Variants in LRP1B observed in about 807,000 individuals in gnomAD.
LRP1B encodes the protein low-density lipoprotein receptor-related protein 1B.
Under a neutral mutation model 556.6 loss-of-function variants are expected in LRP1B, and 217 were observed. The observed-to-expected ratio is 0.39, with a 90% CI of 0.35 to 0.44. The LOEUF is 0.44. LRP1B is among the 20% of genes least tolerant of loss of function. LRP1B has a pLI of 1.00. For synonymous variants in LRP1B, 2,047 were observed against 1,865.8 expected, an observed-to-expected ratio of 1.10 and a Z score of -2.50; for missense variants, 5,053 against 5,620.8, an observed-to-expected ratio of 0.90 and a Z score of 3.23.
intron 53 of LRP1B, 33 bp downstream of exon 53, chr2:140,506,758 CCTAGG>C: frequency 6.3e-7 from 1 of 1,591,392 alleles, no homozygotes; most frequent in East Asian, 2.3e-5. Flanking sequence ...AGACTCTTAG[CCTAGG>C]AATCTCCTTC....
intron 41 of LRP1B, among the ~76,000 whole-genome samples, chr2:140,698,147 A>G (rs1389706946): frequency 6.6e-6 from 1 of 151,924 alleles, no homozygotes; most frequent in Non-Finnish European, 1.5e-5. Context: ...AATTCATGCC[A>G]TACTACCTGC....
At chr2:141,607,262 G>A (rs1687948968) in intron 2 of LRP1B, among the ~76,000 whole-genome samples, 1 of 152,000 alleles carries the variant, frequency 6.6e-6, no homozygotes, top group African/African-American at 2.4e-5. Flanking sequence ...AAAACATGTT[G>A]CAAATTACTC....
chr2:141,534,513 A>T (rs1684998805), intron 2 of LRP1B, among the ~76,000 whole-genome samples: 1 of 152,128 alleles, frequency 6.6e-6, no homozygotes, highest in Non-Finnish European at 1.5e-5. Context: ...TCGTGAGTGT[A>T]TTAATTCCAA....
In LRP1B at chr2:141,278,676, C is replaced by A. The variant is rs971498301; in HGVS notation, c.344-24035G>T. 2.0e-5 allele frequency among the ~76,000 whole-genome samples: 3 copies of A among 152,142 alleles called. No individual in the cohort carries two copies. In the South Asian group the frequency reaches 6.2e-4, roughly 32 times the overall value. On this transcript the variant is annotated intron_variant, in intron 3 of 90. Coordinates refer to ENST00000389484, the MANE Select transcript of LRP1B (RefSeq NM_018557.3). ...CTTTGCATAGAAGGAGCAAAGGGAC[C>A]CATGAGGCCTGCTTTGTTGAAGCTT...
intron 15 of LRP1B, among the ~76,000 whole-genome samples, chr2:140,995,885 G>T (rs1226461262): frequency 6.6e-6 from 1 of 151,992 alleles, no homozygotes; most frequent in Non-Finnish European, 1.5e-5. Flanking sequence ...GTATCTAAGT[G>T]AATTAAATAG....
At chr2:141,310,595 C>T (rs1686776498) in intron 3 of LRP1B, among the ~76,000 whole-genome samples, 1 of 152,078 alleles carries the variant, frequency 6.6e-6, no homozygotes, top group Non-Finnish European at 1.5e-5. Context: ...CACTTTCTCT[C>T]TTTTCTCTCT....
At chr2:141,930,709 T>A (rs1464033914) in intron 1 of LRP1B, among the ~76,000 whole-genome samples, 4 of 152,056 alleles carry the variant, frequency 2.6e-5, no homozygotes, top group Non-Finnish European at 5.9e-5. Context: ...AGGTATTTGA[T>A]TCTTCTTATC....
intron 66 of LRP1B, among the ~76,000 whole-genome samples, chr2:140,401,493 C>T (rs571222702): frequency 6.6e-6 from 1 of 152,264 alleles, no homozygotes; most frequent in African/African-American, 2.4e-5. Flanking sequence ...GCCCCCAACC[C>T]CCAAAAGGGC....
rs552538826 is a variant in LRP1B, at chr2:141,621,649, T to C, written c.206-141116A>G. 3.8e-3 allele frequency among the ~76,000 whole-genome samples: 576 copies of C among 152,208 alleles called. 3 individuals carry two copies. Among genetic ancestry groups the C allele is most frequent in the African/African-American group, 0.013 (541 of 41,532 alleles). ...TCATCAAAACCTTAATACATTTAAA[T>C]ATTTAGATTTAGTCAGAAATTTATG... On this transcript the variant is annotated intron_variant, in intron 2 of 90. Transcript: ENST00000389484.
intron 7 of LRP1B, among the ~76,000 whole-genome samples, chr2:141,085,507 G>A (rs1396405825): frequency 6.6e-6 from 1 of 152,144 alleles, no homozygotes; most frequent in Non-Finnish European, 1.5e-5. Flanking sequence ...ACACACCGAG[G>A]AAAGACCACG....
chr2:140,456,405 C>G (rs2105321526), intron 62 of LRP1B, 50 bp downstream of exon 62: 1 of 1,542,440 alleles, frequency 6.5e-7, no homozygotes, highest in Non-Finnish European at 8.8e-7. Flanking sequence ...AACAAAAGAG[C>G]TGATGTTTCA....
intron 2 of LRP1B, among the ~76,000 whole-genome samples, chr2:141,585,367 C>T (rs1351952722): frequency 1.3e-5 from 2 of 151,472 alleles, no homozygotes; most frequent in African/African-American, 2.4e-5. Context: ...ATGCAAAATA[C>T]TCATGTTAGT....
chr2:141,829,239 G>T lies in LRP1B; in HGVS notation c.83-18838C>A, dbSNP rs1026542036. ...AAATGTACTTTTATAATTGTTCCTG[G>T]ATACTTGTAAGGCCTAGCTGCAAAA... On this transcript the variant is annotated intron_variant, in intron 1 of 90. Coordinates refer to ENST00000389484, the MANE Select transcript of LRP1B (RefSeq NM_018557.3). 2.5e-4 allele frequency among the ~76,000 whole-genome samples: 38 copies of T among 152,012 alleles called. 1 individual carries two copies. In the South Asian group the frequency reaches 7.9e-3, roughly 32 times the overall value.
At chr2:140,546,812 T>C (rs147443988) in intron 43 of LRP1B, among the ~76,000 whole-genome samples, 5,130 of 152,202 alleles carry the variant, frequency 0.034, 115 homozygotes, top group African/African-American at 0.062. Context: ...TCATAGATGG[T>C]TCTTATTATT....
At chr2:141,787,942 A>G (rs1695479409) in intron 2 of LRP1B, among the ~76,000 whole-genome samples, 2 of 152,080 alleles carry the variant, frequency 1.3e-5, no homozygotes, top group Admixed American at 1.3e-4. Flanking sequence ...AACCAATTTT[A>G]TCATCATATA....
intron 3 of LRP1B, among the ~76,000 whole-genome samples, chr2:141,386,483 T>C (rs1414110502): frequency 6.6e-6 from 1 of 152,088 alleles, no homozygotes; most frequent in African/African-American, 2.4e-5. Flanking sequence ...AGAGTCACTT[T>C]ATATGCAAAG....
chr2:141,049,654 C>T (rs997721147), intron 10 of LRP1B, among the ~76,000 whole-genome samples: 1 of 151,976 alleles, frequency 6.6e-6, no homozygotes. Flanking sequence ...ACACACCAAC[C>T]CCAAGTTTGC....
chr2:141,377,103 C>T (rs116163946), intron 3 of LRP1B, among the ~76,000 whole-genome samples: 188 of 152,160 alleles, frequency 1.2e-3, no homozygotes, highest in African/African-American at 4.4e-3. Context: ...AATCTAAATG[C>T]AAAACATTTT....
intron 13 of LRP1B, among the ~76,000 whole-genome samples, chr2:141,014,067 T>C (rs1697831654): frequency 6.6e-6 from 1 of 152,066 alleles, no homozygotes; most frequent in African/African-American, 2.4e-5. Flanking sequence ...TTTTCCCTAC[T>C]CTCATTCCTG....
Sources: gnomAD v4.1 joint callset for allele counts (sites outside exome capture counted in the v4.1 genomes callset) on GRCh38, gnomAD v4.1.1 for gene constraint, MANE v1.5 for transcripts, NCBI Gene and HGNC (gene_info 2026-07-23, HGNC 2026-07-21) for gene names.